Variants in ABCA13 observed in about 807,000 individuals in gnomAD.
ABCA13 encodes the protein ATP binding cassette subfamily A member 13.
Under a neutral mutation model 478.7 loss-of-function variants are expected in ABCA13, and 476 were observed. That is an observed-to-expected ratio of 0.99 (90% confidence interval 0.92 to 1.07). ABCA13 has a LOEUF of 1.07. Among genes scored for constraint, ABCA13 ranks in the 50% least tolerant of loss-of-function variants. The pLI, the probability that ABCA13 is intolerant of heterozygous loss-of-function variation, is 0.00. For missense variants in ABCA13, 6,060 were observed against 5,910.6 expected (o/e 1.03, Z -0.83); for synonymous variants, 2,252 against 2,158.9 (o/e 1.04, Z -1.20).
At chr7:48,543,444 T>C (rs1053119944) in intron 55 of ABCA13, among the ~76,000 whole-genome samples, 1 of 151,454 alleles carries the variant, frequency 6.6e-6, no homozygotes, top group Non-Finnish European at 1.5e-5. Flanking sequence ...GCCAGCATGG[T>C]GAAATCCTGT....
chr7:48,586,477 A>G (rs1789188892), intron 56 of ABCA13, among the ~76,000 whole-genome samples: 1 of 152,148 alleles, frequency 6.6e-6, no homozygotes, highest in African/African-American at 2.4e-5. Flanking sequence ...TTAACACAGG[A>G]ACACAAAACC....
At chr7:48,314,742 A>G (rs117012413) in intron 26 of ABCA13, among the ~76,000 whole-genome samples, 3 of 152,216 alleles carry the variant, frequency 2.0e-5, no homozygotes, top group Non-Finnish European at 2.9e-5. Context: ...GCTTTGGTCC[A>G]TGCAAATGGC....
At chr7:48,347,446 C>G (rs1248359163) in intron 29 of ABCA13, among the ~76,000 whole-genome samples, 1 of 152,194 alleles carries the variant, frequency 6.6e-6, no homozygotes, top group African/African-American at 2.4e-5. Context: ...CAACAAGGCA[C>G]CGTCAGCACA....
intron 42 of ABCA13, among the ~76,000 whole-genome samples, chr7:48,445,760 A>G (rs1824211842): frequency 6.6e-6 from 1 of 152,080 alleles, no homozygotes; most frequent in Non-Finnish European, 1.5e-5. Flanking sequence ...GAAAGAATGC[A>G]AATTCAGTGG....
In ABCA13 at chr7:48,542,892, T is replaced by A. The variant is rs954636954; in HGVS notation, c.14354+14547T>A. 4.0e-5 allele frequency among the ~76,000 whole-genome samples: 6 copies of A among 151,750 alleles called. 1 individual carries two copies. The highest frequency in any genetic ancestry group is 7.4e-5 in the Non-Finnish European group (5 of 67,804). On this transcript the variant is annotated intron_variant, in intron 55 of 61. Coordinates refer to ENST00000435803, the MANE Select transcript of ABCA13 (RefSeq NM_152701.5). ...TTTTTCAAAAAGAATAGGTTGATAA[T>A]GGCTAAATGACTTAAGAAATATTTC... is the stretch of plus-strand genomic sequence containing the variant.
intron 59 of ABCA13, among the ~76,000 whole-genome samples, chr7:48,624,385 G>A (rs986936656): frequency 3.3e-5 from 5 of 152,016 alleles, no homozygotes; most frequent in Admixed American, 3.3e-4. Context: ...ATTGACATAG[G>A]AGGCTTAAGT....
At chr7:48,205,882 T>C (rs1426647376) in intron 3 of ABCA13, among the ~76,000 whole-genome samples, 1 of 152,232 alleles carries the variant, frequency 6.6e-6, no homozygotes, top group African/African-American at 2.4e-5. Context: ...AAATCAACTT[T>C]ATTGATCTAT....
chr7:48,421,257 C>T (rs1207636906), intron 41 of ABCA13, among the ~76,000 whole-genome samples: 1 of 152,060 alleles, frequency 6.6e-6, no homozygotes, highest in African/African-American at 2.4e-5. Context: ...TTCTTACCCA[C>T]CTGTTTTTGC....
At chr7:48,281,061 C>T (rs1165207204) in intron 18 of ABCA13, among the ~76,000 whole-genome samples, 2 of 152,104 alleles carry the variant, frequency 1.3e-5, no homozygotes, top group Non-Finnish European at 2.9e-5. Flanking sequence ...TCAACATTTA[C>T]CTTTGCATTT....
At chr7:48,231,302 C>T (rs1175799925) in intron 7 of ABCA13, among the ~76,000 whole-genome samples, 2 of 152,098 alleles carry the variant, frequency 1.3e-5, no homozygotes, top group African/African-American at 4.8e-5. Context: ...CTGACATCTG[C>T]TTCAGGAAAA....
In ABCA13 at chr7:48,229,850, G is replaced by T; in HGVS notation, c.658G>T (p.Asp220Tyr). 2.5e-6 allele frequency: 4 copies of T among 1,613,976 alleles called. No individual in the cohort carries two copies. The highest frequency in any genetic ancestry group is 2.5e-6 in the Non-Finnish European group (3 of 1,179,888). Residue 220 changes from aspartate to tyrosine, a missense_variant, in exon 7 of 62, where the codon GAT (aspartate) becomes TAT (tyrosine). By Grantham distance (160) the Asp-to-Tyr change is radical. Around this residue, in one of 3 missense-constraint regions of ABCA13, gnomAD observed 4,423 missense variants for 4,309.1 expected, o/e 1.03. Coordinates refer to ENST00000435803, the MANE Select transcript of ABCA13 (RefSeq NM_152701.5). The part of the protein sequence containing the change: ...LNSLISLEDL[D>Y]WLPLNQTFSQ... ...TTCCTTAATATCCCTAGAAGATTTA[G>T]ATTGGCTTCCACTCAACCAAACTTT...
At chr7:48,536,439 G>A (rs139278473) in intron 55 of ABCA13, among the ~76,000 whole-genome samples, 1,905 of 152,258 alleles carry the variant, frequency 0.013, 35 homozygotes, top group African/African-American at 0.043. Flanking sequence ...CCTGAGGTCA[G>A]AAGTTCAAGA....
At chr7:48,228,370 A>T (rs553045824) in intron 6 of ABCA13, among the ~76,000 whole-genome samples, 2 of 152,304 alleles carry the variant, frequency 1.3e-5, no homozygotes, top group East Asian at 3.9e-4. Context: ...TGACCAGATC[A>T]TGGTCAAGCC....
chr7:48,559,263 T>G lies in ABCA13; in HGVS notation c.14355-20961T>G, dbSNP rs985561593. 2.0e-5 allele frequency among the ~76,000 whole-genome samples: 3 copies of G among 152,086 alleles called. No individual in the cohort carries two copies. In the South Asian group the frequency reaches 6.2e-4, roughly 32 times the overall value. On this transcript the variant is annotated intron_variant, in intron 55 of 61. Transcript: ENST00000435803. ...ACCACAAGTCAGAATCCTTCCCTCC[T>G]TTTCCTCCCTTTTGACTGTCAGAGG...
intron 15 of ABCA13, among the ~76,000 whole-genome samples, chr7:48,264,702 A>C (rs914814277): frequency 6.6e-6 from 1 of 151,332 alleles, no homozygotes; most frequent in African/African-American, 2.4e-5. Flanking sequence ...CGCTTTGCAA[A>C]TATTTCCTCC....
chr7:48,520,621 T>A (rs774309849), intron 53 of ABCA13, among the ~76,000 whole-genome samples: 16 of 152,160 alleles, frequency 1.1e-4, no homozygotes, highest in Non-Finnish European at 1.8e-4. Context: ...GTTACATATG[T>A]ATACATGAGC....
At chr7:48,176,148 C>T (rs1794845766) in intron 1 of ABCA13, among the ~76,000 whole-genome samples, 1 of 152,130 alleles carries the variant, frequency 6.6e-6, no homozygotes, top group Non-Finnish European at 1.5e-5. Context: ...CTGAATCTTG[C>T]CTCCTGTGAC....
chr7:48,358,390 C>T (rs1341997282), intron 31 of ABCA13, among the ~76,000 whole-genome samples: 1 of 151,522 alleles, frequency 6.6e-6, no homozygotes, highest in Non-Finnish European at 1.5e-5. Flanking sequence ...ACAGTGGGGA[C>T]CAGTGTATGT....
chr7:48,201,984 C>T (rs1332672682), intron 3 of ABCA13, among the ~76,000 whole-genome samples: 3 of 151,576 alleles, frequency 2.0e-5, no homozygotes. Context: ...CAGCTCTTAA[C>T]ACGGCGTGTC....
Sources: gnomAD v4.1 joint callset for allele counts (sites outside exome capture counted in the v4.1 genomes callset) on GRCh38, gnomAD v4.1.1 for gene constraint, gnomAD v4.1.1 regional missense constraint, MANE v1.5 for transcripts, NCBI Gene and HGNC (gene_info 2026-07-23, HGNC 2026-07-21) for gene names.